Variants in ERBB4 observed in about 807,000 individuals in gnomAD.
ERBB4 encodes erb-b2 receptor tyrosine kinase 4.
Under a neutral mutation model 158.0 loss-of-function variants are expected in ERBB4, and 42 were observed. The ratio of observed to expected loss-of-function variants is 0.27; its 90% CI spans 0.21 to 0.34. The LOEUF (loss-of-function observed/expected upper bound fraction) is 0.34. ERBB4 is among the 10% of genes least tolerant of loss of function. The probability of loss-of-function intolerance (pLI) is 1.00; values close to 1 mark genes in which losing one functional copy is unlikely to be tolerated. For synonymous variants in ERBB4, 583 were observed against 558.7 expected (o/e 1.04, Z -0.61); for missense variants, 1,333 against 1,624.1 (o/e 0.82, Z 3.08).
At chr2:211,936,498 A>C (rs1049552394) in intron 3 of ERBB4, among the ~76,000 whole-genome samples, 1 of 152,114 alleles carries the variant, frequency 6.6e-6, no homozygotes, top group Admixed American at 6.6e-5. Flanking sequence ...AAATAATTTT[A>C]CATGGCTTAC....
intron 20 of ERBB4, among the ~76,000 whole-genome samples, chr2:211,559,232 T>G (rs751536512): frequency 1.4e-4 from 22 of 152,210 alleles, no homozygotes; most frequent in Non-Finnish European, 2.9e-4. Context: ...TTATTGGCAT[T>G]GCCTCCAGAC....
chr2:211,947,315 T>C, intron 3 of ERBB4, 115 bp downstream of exon 3: 1 of 827,838 alleles, frequency 1.2e-6, no homozygotes, highest in Non-Finnish European at 2.0e-6. Context: ...AAATCACTGA[T>C]ATTTAAATGC....
At chr2:211,883,294 T>C (rs2078711570) in intron 3 of ERBB4, among the ~76,000 whole-genome samples, 1 of 151,852 alleles carries the variant, frequency 6.6e-6, no homozygotes, top group African/African-American at 2.4e-5. Flanking sequence ...CCGGGCCCTG[T>C]TGTGGGGTGG....
At chr2:211,816,522 C>G (rs1304748788) in intron 3 of ERBB4, among the ~76,000 whole-genome samples, 1 of 110,672 alleles carries the variant, frequency 9.0e-6, no homozygotes, top group Non-Finnish European at 1.7e-5. Flanking sequence ...GCCTGGGTGA[C>G]AGAGCGAGAG....
intron 23 of ERBB4, among the ~76,000 whole-genome samples, chr2:211,423,596 A>G (rs1169318134): frequency 6.6e-6 from 1 of 152,016 alleles, no homozygotes; most frequent in Non-Finnish European, 1.5e-5. Flanking sequence ...GATGTAAACA[A>G]ATGATCAAAT....
intron 1 of ERBB4, among the ~76,000 whole-genome samples, chr2:212,447,073 T>C (rs2092371486): frequency 6.6e-6 from 1 of 151,672 alleles, no homozygotes; most frequent in Non-Finnish European, 1.5e-5. Flanking sequence ...CTCAGCTCAC[T>C]GCAAGCTCCG....
intron 2 of ERBB4, among the ~76,000 whole-genome samples, chr2:212,066,819 G>A (rs1233131396): frequency 6.6e-6 from 1 of 151,886 alleles, no homozygotes; most frequent in Non-Finnish European, 1.5e-5. Flanking sequence ...TTCATGGAAA[G>A]CATGAAAAGA....
intron 1 of ERBB4, among the ~76,000 whole-genome samples, chr2:212,434,650 A>T (rs2092098656): frequency 6.6e-6 from 1 of 151,924 alleles, no homozygotes; most frequent in Non-Finnish European, 1.5e-5. Flanking sequence ...CTCAAAGGGA[A>T]TCCTCTCTTG....
chr2:211,537,914 T>C (rs2066699815), intron 20 of ERBB4, among the ~76,000 whole-genome samples: 2 of 151,960 alleles, frequency 1.3e-5, no homozygotes, highest in South Asian at 4.1e-4. Flanking sequence ...TTTAAGACAT[T>C]TTTTAAATGT....
intron 20 of ERBB4, among the ~76,000 whole-genome samples, chr2:211,515,566 G>T (rs2066000549): frequency 6.6e-6 from 1 of 151,976 alleles, no homozygotes; most frequent in Non-Finnish European, 1.5e-5. Context: ...TAGACACATT[G>T]AATATGCCTC....
chr2:211,721,618 A>AATATATATATATATATAT (rs1559457184), intron 7 of ERBB4, among the ~76,000 whole-genome samples: 1 of 69,890 alleles, frequency 1.4e-5, no homozygotes, highest in African/African-American at 8.1e-5. Context: ...TTTGCTATTA[A>AATATATATATATATATAT]ACATATATAT....
intron 2 of ERBB4, among the ~76,000 whole-genome samples, chr2:212,113,536 C>A (rs374081457): frequency 2.3e-5 from 3 of 132,564 alleles, no homozygotes; most frequent in African/African-American, 8.4e-5. Context: ...ATCATGCCAC[C>A]GCACTCCAGC....
chr2:211,443,740 A>ATGTT (rs1396729045), intron 20 of ERBB4, among the ~76,000 whole-genome samples: 18 of 152,048 alleles, frequency 1.2e-4, no homozygotes, highest in Non-Finnish European at 2.2e-4. Context: ...CACGTTAGAC[A>ATGTT]TGTTAGTTAC....
intron 2 of ERBB4, among the ~76,000 whole-genome samples, chr2:212,087,617 T>G (rs1198660963): frequency 2.0e-5 from 3 of 151,986 alleles, no homozygotes; most frequent in Non-Finnish European, 4.4e-5. Flanking sequence ...GAGGTGAAAA[T>G]TTGCACTCTA....
chr2:212,181,974 AAGATCAG>A (rs2081882477), intron 1 of ERBB4, among the ~76,000 whole-genome samples: 1 of 151,802 alleles, frequency 6.6e-6, no homozygotes, highest in Admixed American at 6.6e-5. Flanking sequence ...CTGCAAGTGT[AAGATCAG>A]AAATTATTTG....
At chr2:212,415,137 C>T (rs1173351060) in intron 1 of ERBB4, among the ~76,000 whole-genome samples, 2 of 152,118 alleles carry the variant, frequency 1.3e-5, no homozygotes, top group Non-Finnish European at 2.9e-5. Flanking sequence ...TGTCAAACGT[C>T]ACTTACGTAC....
At chr2:211,791,749 G>T (rs544423757) in intron 3 of ERBB4, among the ~76,000 whole-genome samples, 2 of 151,920 alleles carry the variant, frequency 1.3e-5, no homozygotes, top group East Asian at 3.9e-4. Flanking sequence ...TGGTTAAATA[G>T]AGTAAGATAT....
In ERBB4 at chr2:211,712,150, A is replaced by G. The variant is rs148466450; in HGVS notation, c.1024T>C (p.Leu342=). 2.8e-4 allele frequency: 452 copies of G among 1,613,420 alleles called. 1 individual carries two copies. The Middle Eastern group carries it at 2.8e-3, about 10-fold the overall frequency. Residue 342 remains leucine, a synonymous_variant, in exon 9 of 28, where the codon TTG becomes CTG. Transcript: ENST00000342788. Reference sequence around the variant, plus strand: ...GAATCCACAGTCTGAGCTGACATCAATGATCCTGTGCCAATGCCATCACAA... The same window carrying G: ...GAATCCACAGTCTGAGCTGACATCAGTGATCCTGTGCCAATGCCATCACAA... ...KACDGIGTGS[L]MSAQTVDSSN... is the part of the protein sequence containing the mutation.
chr2:212,051,511 T>C (rs2077399062), intron 2 of ERBB4, among the ~76,000 whole-genome samples: 1 of 152,212 alleles, frequency 6.6e-6, no homozygotes, highest in Admixed American at 6.5e-5. Context: ...TAAAAATTGA[T>C]GTTATGTTTC....
Sources: gnomAD v4.1 joint callset for allele counts (sites outside exome capture counted in the v4.1 genomes callset) on GRCh38, gnomAD v4.1.1 for gene constraint, MANE v1.5 for transcripts, NCBI Gene and HGNC (gene_info 2026-07-23, HGNC 2026-07-21) for gene names.